NRXN1: variants seen among roughly 807,000 people sequenced by gnomAD.
The protein encoded by NRXN1 is neurexin 1.
A neutral mutation model predicts 150.9 loss-of-function variants in NRXN1; 39 were observed. That is an observed-to-expected ratio of 0.26 (90% CI 0.20 to 0.34). The LOEUF (loss-of-function observed/expected upper bound fraction) is 0.34. Ranked by LOEUF, NRXN1 falls within the 10% of genes least tolerant of loss-of-function variation. The pLI is 1.00. For missense variants in NRXN1, 1,815 were observed against 1,949.9 expected, an observed-to-expected ratio of 0.93 and a Z score of 1.30; for synonymous variants, 924 against 757.0, an observed-to-expected ratio of 1.22 and a Z score of -3.62.
rs1014175460 is a variant in NRXN1 at position 50,538,709 on chromosome 2, G to A, written c.1760-73C>T. The A allele has an allele frequency of 1.2e-5, 15 of 1,271,244 alleles. No individual in the cohort carries two copies. The South Asian group carries it at 2.8e-4, about 24-fold the overall frequency. 78.7% of individuals were successfully genotyped at this position (1,271,244 alleles called of 1,614,324 possible). A position where few individuals can be genotyped will look rare whatever the true frequency, so the allele number is the denominator to read the frequency against. On this transcript the variant is annotated intron_variant, in intron 9 of 22. Transcript: ENST00000401669. ...TGTTATAATTATCTTTCTCTCTTTC[G>A]TCTGCTTGATGGTTAACTCCTTGGA...
chr2:50,504,217 G>C (rs2092108768), intron 13 of NRXN1, among the ~76,000 whole-genome samples: 1 of 150,202 alleles, frequency 6.7e-6, no homozygotes, highest in African/African-American at 2.4e-5. Flanking sequence ...ATTGCGTATT[G>C]ATAACATTGA....
intron 17 of NRXN1, among the ~76,000 whole-genome samples, chr2:50,262,401 A>T (rs531430559): frequency 1.1e-4 from 16 of 152,048 alleles, no homozygotes; most frequent in African/African-American, 3.6e-4. Context: ...CCATAGAAAT[A>T]GTAGTCTAAA....
intron 5 of NRXN1, among the ~76,000 whole-genome samples, chr2:50,671,286 T>C (rs1688801931): frequency 3.3e-5 from 5 of 151,678 alleles, no homozygotes. Context: ...TTCTATATAG[T>C]ATATAAGAAA....
intron 18 of NRXN1, among the ~76,000 whole-genome samples, chr2:50,204,016 A>G (rs1173847316): frequency 6.6e-6 from 1 of 152,166 alleles, no homozygotes; most frequent in Non-Finnish European, 1.5e-5. Context: ...CAAATATTCA[A>G]CTTTCTATGT....
At chr2:50,309,502 T>C (rs563424341) in intron 17 of NRXN1, among the ~76,000 whole-genome samples, 36 of 152,240 alleles carry the variant, frequency 2.4e-4, no homozygotes, top group African/African-American at 8.2e-4. Context: ...GTGAGGAAAA[T>C]AAAAGAGACT....
chr2:50,433,144 T>C (rs2085120254), intron 17 of NRXN1, among the ~76,000 whole-genome samples: 1 of 152,222 alleles, frequency 6.6e-6, no homozygotes, highest in South Asian at 2.1e-4. Flanking sequence ...AGCTATTCTA[T>C]GGAAAGATGT....
At chr2:50,509,996 G>A (rs1335356056) in intron 12 of NRXN1, among the ~76,000 whole-genome samples, 1 of 152,142 alleles carries the variant, frequency 6.6e-6, no homozygotes, top group East Asian at 1.9e-4. Context: ...GATACAAAGA[G>A]AAGGTGGCTG....
intron 12 of NRXN1, among the ~76,000 whole-genome samples, chr2:50,510,180 A>G (rs1363203668): frequency 1.3e-5 from 2 of 152,168 alleles, no homozygotes; most frequent in African/African-American, 4.8e-5. Flanking sequence ...GCAATATTTT[A>G]AAGACTTTTA....
chr2:50,527,951 A>C (rs1435561800), intron 12 of NRXN1, among the ~76,000 whole-genome samples: 1 of 152,212 alleles, frequency 6.6e-6, no homozygotes, highest in Non-Finnish European at 1.5e-5. Context: ...TTTACACTTA[A>C]GATAATGCCA....
intron 21 of NRXN1, among the ~76,000 whole-genome samples, chr2:50,005,784 C>CA (rs1320250323): frequency 6.6e-6 from 1 of 152,156 alleles, no homozygotes. Flanking sequence ...TTCTCAAACA[C>CA]ACTGTGCATC....
At chr2:50,436,440 T>C (rs971063501) in intron 17 of NRXN1, among the ~76,000 whole-genome samples, 3 of 146,498 alleles carry the variant, frequency 2.0e-5, no homozygotes, top group African/African-American at 7.6e-5. Context: ...GCAACAAGAG[T>C]GAAACTCCGT....
chr2:50,899,407 A>G (rs1202428308), intron 5 of NRXN1, among the ~76,000 whole-genome samples: 1 of 152,128 alleles, frequency 6.6e-6, no homozygotes, highest in Non-Finnish European at 1.5e-5. Flanking sequence ...TCTTCCCACT[A>G]CACTGTGTTT....
chr2:50,501,299 G>A (rs1259101836), intron 13 of NRXN1, among the ~76,000 whole-genome samples: 1 of 151,924 alleles, frequency 6.6e-6, no homozygotes, highest in Non-Finnish European at 1.5e-5. Flanking sequence ...GAAAGGAGCG[G>A]GAGCGCCAGG....
intron 19 of NRXN1, among the ~76,000 whole-genome samples, chr2:50,077,747 C>T (rs1697319107): frequency 6.6e-6 from 1 of 152,098 alleles, no homozygotes; most frequent in Non-Finnish European, 1.5e-5. Context: ...ATTGGAAATG[C>T]ATATGGTAAT....
At chr2:50,949,759 T>C (rs1690998579) in intron 2 of NRXN1, among the ~76,000 whole-genome samples, 2 of 152,110 alleles carry the variant, frequency 1.3e-5, no homozygotes, top group Non-Finnish European at 2.9e-5. Context: ...CAGAAAGCTT[T>C]TACCGGCACA....
At chr2:50,916,498 T>C (rs907824427) in intron 5 of NRXN1, among the ~76,000 whole-genome samples, 1 of 149,272 alleles carries the variant, frequency 6.7e-6, no homozygotes, top group African/African-American at 2.5e-5. Context: ...ATTAAAAAAG[T>C]ACATTTGCAA....
chr2:50,474,801 C>A (rs1182091133), intron 15 of NRXN1, among the ~76,000 whole-genome samples: 1 of 147,682 alleles, frequency 6.8e-6, no homozygotes, highest in Non-Finnish European at 1.5e-5. Flanking sequence ...TTGAAACAAG[C>A]TTCCATGCCA....
At chr2:50,283,259 C>T (rs2071695106) in intron 17 of NRXN1, among the ~76,000 whole-genome samples, 2 of 152,120 alleles carry the variant, frequency 1.3e-5, no homozygotes, top group Admixed American at 1.3e-4. Flanking sequence ...CTGTTATTAG[C>T]CTCCAACTTT....
intron 5 of NRXN1, among the ~76,000 whole-genome samples, chr2:50,696,509 G>T (rs1395851071): frequency 2.0e-5 from 3 of 152,124 alleles, no homozygotes; most frequent in Non-Finnish European, 4.4e-5. Flanking sequence ...GTAGAAGAAA[G>T]ACAAGAAAAG....
Sources: allele counts gnomAD v4.1 joint callset (sites outside exome capture counted in the v4.1 genomes callset), GRCh38; gene constraint gnomAD v4.1.1; transcripts MANE v1.5; gene names NCBI Gene and HGNC (gene_info 2026-07-23, HGNC 2026-07-21).